UNC13C: variants seen among roughly 807,000 people sequenced by gnomAD.
UNC13C encodes unc-13 homolog C.
Under a neutral mutation model 245.4 loss-of-function variants are expected in UNC13C, and 174 were observed. The observed-to-expected ratio is 0.71, with a 90% CI of 0.63 to 0.80. The LOEUF is 0.80. Among genes scored for constraint, UNC13C ranks in the 30% least tolerant of loss-of-function variants. The pLI, the probability that UNC13C is intolerant of heterozygous loss-of-function variation, is 0.00. For missense variants in UNC13C, 2,829 were observed against 2,602.9 expected, an observed-to-expected ratio of 1.09 and a Z score of -1.89; for synonymous variants, 992 against 895.1, an observed-to-expected ratio of 1.11 and a Z score of -1.93.
intron 4 of UNC13C, among the ~76,000 whole-genome samples, chr15:54,231,599 T>G (rs913884987): frequency 2.0e-5 from 3 of 152,098 alleles, no homozygotes; most frequent in Admixed American, 1.3e-4. Flanking sequence ...GTGCTTAGAA[T>G]AATAAGCACT....
chr15:54,442,105 C>A (rs888746314), intron 19 of UNC13C, among the ~76,000 whole-genome samples: 1 of 151,864 alleles, frequency 6.6e-6, no homozygotes, highest in African/African-American at 2.4e-5. Context: ...AATATAATGT[C>A]TTCCACAAAG....
chr15:54,555,476 A>G lies in UNC13C; in HGVS notation c.5922A>G (p.Gln1974=), dbSNP rs772428204. 35 of 1,612,272 alleles carry G rather than the reference A, an allele frequency of 2.2e-5. No homozygotes were observed. Among genetic ancestry groups the G allele is most frequent in the Middle Eastern group, 1.6e-4 (1 of 6,076 alleles). ...REDARGLTPR[Q]CAIMEVVLAT... is the part of the protein sequence containing the mutation. ...ATGCCAGGGGTCTGACGCCAAGACA[A>G]TGCGCTATAATGGAGGTAGTCCTGG... Residue 1974 remains glutamine (Q), a synonymous_variant, in exon 29 of 33, where the codon CAA becomes CAG. Transcript: ENST00000260323.
chr15:54,226,998 G>A (rs898482425), intron 4 of UNC13C, among the ~76,000 whole-genome samples: 2 of 152,092 alleles, frequency 1.3e-5, no homozygotes, highest in African/African-American at 4.8e-5. Context: ...TTTCAGCCCT[G>A]TTTATGTTAC....
At chr15:54,084,330 A>G (rs535959996) in intron 2 of UNC13C, among the ~76,000 whole-genome samples, 38 of 152,298 alleles carry the variant, frequency 2.5e-4, no homozygotes, top group African/African-American at 8.9e-4. Context: ...GTTGGATTCT[A>G]GCAAAGTTCA....
At chr15:54,023,353 T>C (rs1895978675) in intron 2 of UNC13C, among the ~76,000 whole-genome samples, 5 of 152,260 alleles carry the variant, frequency 3.3e-5, no homozygotes. Flanking sequence ...GCTTATGTTT[T>C]TAAGCATCTG....
chr15:54,013,811 G>A lies in UNC13C; in HGVS notation c.908G>A (p.Arg303Lys). 2 of 1,612,236 alleles carry A rather than the reference G, an allele frequency of 1.2e-6. No individual in the cohort carries two copies. The highest frequency in any genetic ancestry group is 1.7e-6 in the Non-Finnish European group (2 of 1,179,306). The part of the protein sequence containing the change: ...TGFVQSRRET[R>K]DIHDYIKHLG... ...TTTGTCCAGTCTCGGAGGGAAACTAGAGACATCCATGATTATATTAAGCAC... is the reference window on the plus strand; with the variant it reads ...TTTGTCCAGTCTCGGAGGGAAACTAAAGACATCCATGATTATATTAAGCAC... The change falls in exon 2 of 33, where the codon AGA (arginine) becomes AAA (lysine). Residue 303 changes from arginine (R) to lysine (K), a missense_variant. Physicochemically the swap from Arg to Lys is conservative, Grantham distance 26 (BLOSUM62 2). Coordinates refer to ENST00000260323, the MANE Select transcript of UNC13C (RefSeq NM_001080534.3).
rs1901206059 is a variant in UNC13C, at chr15:54,626,978, T to C, written c.6510T>C (p.Pro2170=). 6.2e-7 allele frequency: 1 copy of C among 1,613,372 alleles called. No homozygotes were observed. Among genetic ancestry groups the C allele is most frequent in the African/African-American group, 1.3e-5 (1 of 74,892 alleles). The part of the protein sequence containing the change: ...AEKGSYGAWY[P]LLKNISMDET... ...AGGGAAGCTATGGGGCATGGTATCCTCTTCTGAAAAATATCTCTATGGATG... is the reference window on the plus strand; with the variant it reads ...AGGGAAGCTATGGGGCATGGTATCCCCTTCTGAAAAATATCTCTATGGATG... Residue 2170 remains proline, a synonymous_variant, in exon 33 of 33, where the codon CCT becomes CCC. Transcript: ENST00000260323.
chr15:54,468,123 T>C (rs143181622), intron 19 of UNC13C, among the ~76,000 whole-genome samples: 1 of 151,778 alleles, frequency 6.6e-6, no homozygotes, highest in East Asian at 1.9e-4. Context: ...TCACCGGTAC[T>C]TTTTATATTA....
At chr15:53,875,490 G>A in the UNC13C span, among the ~76,000 whole-genome samples, 1 of 152,066 alleles carries the variant, frequency 6.6e-6, no homozygotes, top group African/African-American at 2.4e-5. Context: ...GGAGGTTGCT[G>A]GTAAGGTGAT....
At chr15:53,904,256 G>A in the UNC13C span, among the ~76,000 whole-genome samples, 27 of 152,168 alleles carry the variant, frequency 1.8e-4, no homozygotes, top group South Asian at 6.2e-4. Context: ...TCTTTAAGTA[G>A]CATTTGAGGA....
chr15:54,490,960 A>G (rs1183679229), intron 19 of UNC13C, among the ~76,000 whole-genome samples: 2 of 152,334 alleles, frequency 1.3e-5, no homozygotes, highest in African/African-American at 4.8e-5. Flanking sequence ...CATCTCCTCC[A>G]GGAGACCACA....
intron 17 of UNC13C, among the ~76,000 whole-genome samples, chr15:54,386,622 G>A (rs550796193): frequency 1.4e-4 from 21 of 152,334 alleles, no homozygotes; most frequent in African/African-American, 5.1e-4. Context: ...TTGCTGCAAA[G>A]GTTGTGATTT....
intron 2 of UNC13C, among the ~76,000 whole-genome samples, chr15:54,083,112 G>A (rs1197087987): frequency 6.6e-6 from 1 of 152,158 alleles, no homozygotes; most frequent in Non-Finnish European, 1.5e-5. Flanking sequence ...CCACCCTGAT[G>A]GGGAGAGACT....
the UNC13C span, among the ~76,000 whole-genome samples, chr15:53,971,461 A>C: frequency 2.6e-5 from 4 of 152,314 alleles, no homozygotes; most frequent in East Asian, 7.7e-4. Context: ...CAAACTTAGA[A>C]ACTTCAGTAT....
At chr15:54,114,300 T>C (rs555358771) in intron 2 of UNC13C, among the ~76,000 whole-genome samples, 111 of 152,334 alleles carry the variant, frequency 7.3e-4, no homozygotes, top group Middle Eastern at 6.8e-3. Flanking sequence ...AGTCTCCTTA[T>C]TTGGCTCTCT....
chr15:54,187,094 C>T (rs1194390501), intron 4 of UNC13C, among the ~76,000 whole-genome samples: 6 of 151,844 alleles, frequency 4.0e-5, no homozygotes, highest in South Asian at 2.1e-4. Flanking sequence ...GTGATCTGCC[C>T]TCCTTGGCAT....
At chr15:54,353,167 C>A (rs2039021541) in intron 17 of UNC13C, among the ~76,000 whole-genome samples, 1 of 152,096 alleles carries the variant, frequency 6.6e-6, no homozygotes, top group Admixed American at 6.5e-5. Flanking sequence ...AAGACAAACA[C>A]AGTCAGTATC....
At chr15:53,891,417 T>G in the UNC13C span, among the ~76,000 whole-genome samples, 1 of 152,144 alleles carries the variant, frequency 6.6e-6, no homozygotes, top group African/African-American at 2.4e-5. Flanking sequence ...CTGGATATCC[T>G]TGTTAATTTT....
intron 26 of UNC13C, among the ~76,000 whole-genome samples, chr15:54,541,632 C>T (rs1896248955): frequency 6.6e-6 from 1 of 152,104 alleles, no homozygotes; most frequent in Admixed American, 6.6e-5. Context: ...AACTTACTAG[C>T]TTCACTTCCG....
Sources: allele counts gnomAD v4.1 joint callset (sites outside exome capture counted in the v4.1 genomes callset), GRCh38; gene constraint gnomAD v4.1.1; transcripts MANE v1.5; gene names NCBI Gene and HGNC (gene_info 2026-07-23, HGNC 2026-07-21).